NSD1: variants seen among roughly 807,000 people sequenced by gnomAD.
NSD1 encodes nuclear receptor binding SET domain protein 1.
A neutral mutation model predicts 242.7 loss-of-function variants in NSD1; 26 were observed. The observed-to-expected ratio is 0.11, with a 90% CI of 0.08 to 0.15. NSD1 has a LOEUF of 0.15. Ranked by LOEUF, NSD1 falls within the 10% of genes least tolerant of loss-of-function variation. NSD1 has a pLI of 1.00. For missense variants in NSD1, 2,495 were observed against 3,272.8 expected, an observed-to-expected ratio of 0.76 and a Z score of 5.80; for synonymous variants, 1,106 against 1,178.1, an observed-to-expected ratio of 0.94 and a Z score of 1.25.
chr5:177,201,232 C>G (rs1308280379), intron 3 of NSD1, among the ~76,000 whole-genome samples: 2 of 151,508 alleles, frequency 1.3e-5, no homozygotes, highest in African/African-American at 4.9e-5. Context: ...TTTTTTGAGA[C>G]AGAGTCTTGC....
intron 2 of NSD1, among the ~76,000 whole-genome samples, chr5:177,157,553 G>C (rs1758240970): frequency 6.6e-6 from 1 of 151,766 alleles, no homozygotes; most frequent in Non-Finnish European, 1.5e-5. Flanking sequence ...ACAAAAATTA[G>C]CCCGGTGTGG....
chr5:177,220,444 A>C (rs1290737446), intron 5 of NSD1, among the ~76,000 whole-genome samples: 1 of 151,962 alleles, frequency 6.6e-6, no homozygotes, highest in Non-Finnish European at 1.5e-5. Context: ...TTTAAGGCTC[A>C]CTTAAATCTT....
chr5:177,169,563 C>T (rs889039289), intron 2 of NSD1: 6 of 166,384 alleles, frequency 3.6e-5, no homozygotes, highest in South Asian at 2.9e-4. Flanking sequence ...CTGCACTGTA[C>T]GTTTGTTTGA....
At chr5:177,185,122 CCCTCGTCTTTA>C (rs1398775604) in intron 2 of NSD1, among the ~76,000 whole-genome samples, 3 of 152,082 alleles carry the variant, frequency 2.0e-5, no homozygotes, top group African/African-American at 4.8e-5. Context: ...CCCCCACTTC[CCCTCGTCTTTA>C]CCTCAAGTTG....
At chr5:177,194,334 A>T (rs965348715) in intron 3 of NSD1, among the ~76,000 whole-genome samples, 7 of 151,730 alleles carry the variant, frequency 4.6e-5, no homozygotes, top group African/African-American at 1.7e-4. Context: ...ACAACGCCTC[A>T]CTGAAGCCTT....
chr5:177,207,593 ATTTTTTTTTTTTTT>A (rs150492535), intron 4 of NSD1, among the ~76,000 whole-genome samples: 1 of 78,218 alleles, frequency 1.3e-5, no homozygotes, highest in Non-Finnish European at 2.2e-5. Flanking sequence ...ATTTATTTAA[ATTTTTTTTTTTTTT>A]TTTTTTTTTT....
intron 2 of NSD1, among the ~76,000 whole-genome samples, chr5:177,156,436 C>T (rs1427280555): frequency 6.6e-6 from 1 of 152,144 alleles, no homozygotes; most frequent in Non-Finnish European, 1.5e-5. Flanking sequence ...TCCTCAGCCT[C>T]CCAAAGTGTT....
chr5:177,285,519 G>A (rs113115126), intron 20 of NSD1, among the ~76,000 whole-genome samples: 5,840 of 136,852 alleles, frequency 0.043, 406 homozygotes, highest in African/African-American at 0.15. Flanking sequence ...AGCCGAGATC[G>A]TGCCACTGCA....
At chr5:177,196,488 A>G (rs1280968134) in intron 3 of NSD1, among the ~76,000 whole-genome samples, 1 of 152,214 alleles carries the variant, frequency 6.6e-6, no homozygotes, top group African/African-American at 2.4e-5. Context: ...AATGCATTGG[A>G]TAATGTTGAC....
chr5:177,178,909 A>G (rs982544409), intron 2 of NSD1, among the ~76,000 whole-genome samples: 4 of 152,224 alleles, frequency 2.6e-5, no homozygotes, highest in Non-Finnish European at 5.9e-5. Context: ...TAATGTGTCA[A>G]GTGCAGTAAA....
intron 5 of NSD1, among the ~76,000 whole-genome samples, chr5:177,221,549 G>A (rs1764237042): frequency 6.6e-6 from 1 of 151,222 alleles, no homozygotes; most frequent in African/African-American, 2.4e-5. Context: ...TCAGCTCACT[G>A]CAAACTCCCG....
At chr5:177,235,758 A>G (rs1765393551) in intron 5 of NSD1, 63 bp from the exon 6 acceptor site, 3 of 1,611,420 alleles carry the variant, frequency 1.9e-6, no homozygotes, top group Non-Finnish European at 2.5e-6. Context: ...AGATGGTCTC[A>G]TAAAAACAGT....
chr5:177,241,437 AGAGGTTGCAGTGAGTC>A (rs1765859646), intron 8 of NSD1, among the ~76,000 whole-genome samples: 1 of 151,854 alleles, frequency 6.6e-6, no homozygotes, highest in South Asian at 2.1e-4. Flanking sequence ...CCTGGGAGGC[AGAGGTTGCAGTGAGTC>A]GAGGTCATGC....
At chr5:177,288,955 A>G in intron 21 of NSD1, 30 bp downstream of exon 21, 1 of 1,495,186 alleles carries the variant, frequency 6.7e-7, no homozygotes, top group East Asian at 2.3e-5. Context: ...CTGCTTTGGG[A>G]TTAGTGGTGC....
At chr5:177,223,566 C>T (rs1764408672) in intron 5 of NSD1, among the ~76,000 whole-genome samples, 1 of 152,012 alleles carries the variant, frequency 6.6e-6, no homozygotes, top group African/African-American at 2.4e-5. Context: ...GAGCAAGATT[C>T]TGTCTCCAAA....
chr5:177,158,998 T>TTATATATATATATATGAATGATATATA lies in NSD1; in HGVS notation c.927+22983_927+22984insGAATGATATATATATATATATATATAT, dbSNP rs1554173192. Among the ~76,000 whole-genome samples, 63 of 122,592 alleles carry TTATATATATATATATGAATGATATATA rather than the reference T, an allele frequency of 5.1e-4. 1 individual carries two copies. Among genetic ancestry groups the TTATATATATATATATGAATGATATATA allele is most frequent in the African/African-American group, 2.4e-3 (62 of 26,310 alleles). The allele number at this position is 122,592 out of a possible 152,430, so 80.4% of individuals were successfully genotyped here. A position where few individuals can be genotyped will look rare whatever the true frequency, so the allele number is the denominator to read the frequency against. ...TATACACACATATATATGAATGATT[T>TTATATATATATATATGAATGATATATA]TATATATATATATATATATATATAT... On this transcript the variant is annotated intron_variant, in intron 2 of 22. Coordinates refer to ENST00000439151, the MANE Select transcript of NSD1 (RefSeq NM_022455.5).
At chr5:177,146,672 C>T (rs1447160742) in intron 2 of NSD1, among the ~76,000 whole-genome samples, 1 of 152,004 alleles carries the variant, frequency 6.6e-6, no homozygotes, top group Non-Finnish European at 1.5e-5. Context: ...TTGTTTTTAT[C>T]ACCTGTATAG....
chr5:177,170,262 G>A (rs1157100841), intron 2 of NSD1, among the ~76,000 whole-genome samples: 4 of 152,028 alleles, frequency 2.6e-5, no homozygotes, highest in South Asian at 2.1e-4. Context: ...GTGAGCCACC[G>A]CGCCCAGCTG....
chr5:177,274,879 G>A (rs767384869), intron 17 of NSD1, among the ~76,000 whole-genome samples: 8 of 151,580 alleles, frequency 5.3e-5, no homozygotes, highest in South Asian at 2.1e-4. Flanking sequence ...GATTACAGGC[G>A]CACACCACTA....
Sources: allele counts gnomAD v4.1 joint callset (sites outside exome capture counted in the v4.1 genomes callset), GRCh38; gene constraint gnomAD v4.1.1; transcripts MANE v1.5; gene names NCBI Gene and HGNC (gene_info 2026-07-23, HGNC 2026-07-21).